JADE3: variants seen among roughly 807,000 people sequenced by gnomAD.
The protein encoded by JADE3 is jade family PHD finger 3.
Under a neutral mutation model 50.1 loss-of-function variants are expected in JADE3, and 2 were observed. That is an observed-to-expected ratio of 0.04 (90% CI 0.02 to 0.13). The LOEUF (loss-of-function observed/expected upper bound fraction) is 0.13. JADE3 is among the 10% of genes least tolerant of loss of function. The pLI, the probability that JADE3 is intolerant of heterozygous loss-of-function variation, is 1.00. For synonymous variants in JADE3, 218 were observed against 232.9 expected (o/e 0.94, Z 0.58); for missense variants, 475 against 634.4 (o/e 0.75, Z 2.70).
intron 10 of JADE3, among the ~76,000 whole-genome samples, chrX:47,057,316 A>T (rs1929650022): frequency 9.0e-6 from 1 of 111,664 alleles, no homozygotes; most frequent in African/African-American, 3.3e-5. Flanking sequence ...TTGTGAGGGT[A>T]CAGTAAGATG....
At chrX:46,925,617 C>G (rs1347505494) in intron 1 of JADE3, among the ~76,000 whole-genome samples, 4 of 110,015 alleles carry the variant, frequency 3.6e-5, no homozygotes, top group Admixed American at 1.9e-4. Flanking sequence ...GTCAGGAGAT[C>G]GAGACCATCC....
intron 4 of JADE3, among the ~76,000 whole-genome samples, chrX:47,009,855 G>A (rs1269962857): frequency 1.8e-5 from 2 of 108,393 alleles, no homozygotes; most frequent in African/African-American, 6.7e-5. Context: ...GAACTCCCAG[G>A]CTCAAGCAAT....
At chrX:47,018,370 G>A in intron 4 of JADE3, among the ~76,000 whole-genome samples, 1 of 108,793 alleles carries the variant, frequency 9.2e-6, no homozygotes, top group Non-Finnish European at 1.9e-5. Flanking sequence ...GTCTCGCTCT[G>A]TCACCCAGGC....
rs1355701817 is a variant in JADE3 at position 46,918,150 on chromosome X, A to G, written c.-12+5431A>G. 2.7e-5 allele frequency among the ~76,000 whole-genome samples: 3 copies of G among 111,554 alleles called. No individual in the cohort carries two copies. The East Asian group carries it at 8.4e-4, about 31-fold the overall frequency. On this transcript the variant is annotated intron_variant, in intron 1 of 10. Coordinates refer to ENST00000614628, the MANE Select transcript of JADE3 (RefSeq NM_014735.5). ...GAAGGAGGTTTAATTAGGCTCATATAGCTGATGCTTTTTAGGCTGCATTAA... is the reference window on the plus strand; with the variant it reads ...GAAGGAGGTTTAATTAGGCTCATATGGCTGATGCTTTTTAGGCTGCATTAA...
intron 1 of JADE3, among the ~76,000 whole-genome samples, chrX:46,939,303 C>T (rs1431444467): frequency 3.6e-5 from 4 of 110,519 alleles, no homozygotes; most frequent in African/African-American, 1.3e-4. Context: ...TTTTTCACTG[C>T]TCAGGCTATT....
chrX:47,041,268 T>A (rs1206864782), intron 8 of JADE3, among the ~76,000 whole-genome samples: 1 of 112,264 alleles, frequency 8.9e-6, no homozygotes, highest in African/African-American at 3.2e-5. Context: ...TCATTTGTGA[T>A]ATGCATTTCC....
In JADE3 at chrX:47,059,857, C is replaced by A. The variant is rs1179452878; in HGVS notation, c.*780C>A. On this transcript the variant is annotated 3_prime_UTR_variant, in exon 11 of 11. Transcript: ENST00000614628. ...TTCCAGAGCCTTTCCCAAAGTGAGA[C>A]CATTTCTGGGGTATTTGTACCAGGT... is the stretch of plus-strand genomic sequence containing the variant. 1.8e-5 allele frequency: 2 copies of A among 112,064 alleles called. No homozygotes were observed. Among genetic ancestry groups the A allele is most frequent in the African/African-American group, 3.3e-5 (1 of 30,753 alleles). 9.2% of individuals were successfully genotyped at this position (112,064 alleles called of 1,213,427 possible).
rs146863913 is a variant in JADE3, at chrX:47,059,253, C to T, written c.*176C>T. 21 of 423,232 alleles carry T rather than the reference C, an allele frequency of 5.0e-5. No individual in the cohort carries two copies. The East Asian group carries it at 7.9e-4, about 16-fold the overall frequency. The allele number at this position is 423,232 out of a possible 1,213,427, so 34.9% of individuals were successfully genotyped here. A position where few individuals can be genotyped will look rare whatever the true frequency, so the allele number is the denominator to read the frequency against. On this transcript the variant is annotated 3_prime_UTR_variant, in exon 11 of 11. Transcript: ENST00000614628. ...ATGTTTCAAGTCTAGTTTTTACAAG[C>T]ACATTACAGTAATTGCAGGTTGTCC...
Position 46,941,261 on chromosome X carries a change from G to A in JADE3, c.-12+28542G>A, listed in dbSNP as rs186497824. Among the ~76,000 whole-genome samples, 68 of 111,512 alleles carry A rather than the reference G, an allele frequency of 6.1e-4. 1 individual carries two copies. The East Asian group carries it at 0.018, about 30-fold the overall frequency. On this transcript the variant is annotated intron_variant, in intron 1 of 10. Transcript: ENST00000614628. ...AGAACATGATTTCATTCTTTTTTATGGCTACATAGTATTCTATGGTATATA... is the reference window on the plus strand; with the variant it reads ...AGAACATGATTTCATTCTTTTTTATAGCTACATAGTATTCTATGGTATATA...
intron 1 of JADE3, among the ~76,000 whole-genome samples, chrX:46,916,668 A>G (rs904441951): frequency 1.8e-5 from 2 of 112,316 alleles, no homozygotes; most frequent in Non-Finnish European, 3.8e-5. Context: ...TTGCAACAAT[A>G]ATATATTCTC....
rs148832173 is a variant in JADE3 at position 47,033,640 on chromosome X, A to G, written c.707A>G (p.Lys236Arg). 17 of 1,204,464 alleles carry G rather than the reference A, an allele frequency of 1.4e-5. No homozygotes were observed. Among genetic ancestry groups the G allele is most frequent in the South Asian group, 3.6e-5 (2 of 55,564 alleles). ...CTCCAGGCCTGCTATGGCATCCTCA[A>G]GGTCCCAGAAGGCAGCTGGCTGTGT... The part of the protein sequence containing the change: ...CVHQACYGIL[K>R]VPEGSWLCRS... Residue 236 changes from lysine (K) to arginine (R), a missense_variant, in exon 7 of 11, where the codon AAG (lysine) becomes AGG (arginine). By Grantham distance (26) the Lys-to-Arg change is conservative (BLOSUM62 2). This residue lies in a region of JADE3 where 54 missense variants were observed against 156.2 expected (regional missense o/e 0.35). Transcript: ENST00000614628.
At chrX:47,035,766 T>TG (rs1421269739) in intron 7 of JADE3, among the ~76,000 whole-genome samples, 1 of 110,115 alleles carries the variant, frequency 9.1e-6, no homozygotes, top group Non-Finnish European at 1.9e-5. Context: ...TTTGGCGGGG[T>TG]GGGGGGAATG....
chrX:46,981,960 T>G (rs1464919114), intron 1 of JADE3, among the ~76,000 whole-genome samples: 1 of 111,764 alleles, frequency 8.9e-6, no homozygotes, highest in East Asian at 2.8e-4. Flanking sequence ...AATCTCTTTC[T>G]GGATCTCTTT....
chrX:46,932,612 A>C (rs1556340117), intron 1 of JADE3, among the ~76,000 whole-genome samples: 1 of 111,915 alleles, frequency 8.9e-6, no homozygotes, highest in Non-Finnish European at 1.9e-5. Flanking sequence ...ATTCTACAAC[A>C]TTGCCTGTGG....
At chrX:46,968,109 G>T (rs1192844058) in intron 1 of JADE3, among the ~76,000 whole-genome samples, 2 of 111,903 alleles carry the variant, frequency 1.8e-5, no homozygotes, top group Non-Finnish European at 3.8e-5. Context: ...CCTCACTCTG[G>T]AAGAGTACAG....
At chrX:46,957,662 C>G (rs1927165282) in intron 1 of JADE3, among the ~76,000 whole-genome samples, 1 of 112,336 alleles carries the variant, frequency 8.9e-6, no homozygotes, top group Admixed American at 9.4e-5. Flanking sequence ...TACCAACTCA[C>G]TTTAAATATG....
Position 47,043,315 on chromosome X carries a change from G to C in JADE3, c.972+4250G>C, listed in dbSNP as rs1032493094. Among the ~76,000 whole-genome samples, 4 of 112,079 alleles carry C rather than the reference G, an allele frequency of 3.6e-5. No homozygotes were observed. The Admixed American group carries it at 3.8e-4, about 11-fold the overall frequency. On this transcript the variant is annotated intron_variant, in intron 8 of 10. Coordinates refer to ENST00000614628, the MANE Select transcript of JADE3 (RefSeq NM_014735.5). ...GACTCTTCAATGCCCAGACACTGAT[G>C]AACATCCACAAGCATCAAGACCATC...
chrX:46,923,393 C>CTCTCTTTTTTTTTT (rs1556338199), intron 1 of JADE3, among the ~76,000 whole-genome samples: 275 of 11,516 alleles, frequency 0.024, 72 homozygotes, highest in Non-Finnish European at 0.045. Context: ...CTCTCTCTCT[C>CTCTCTTTTTTTTTT]TTTTTTTTTT....
intron 1 of JADE3, among the ~76,000 whole-genome samples, chrX:46,954,209 G>T (rs1301726547): frequency 4.5e-5 from 5 of 111,323 alleles, no homozygotes; most frequent in Admixed American, 3.8e-4. Context: ...TTTCTGGTGG[G>T]TAACAGAGAC....
Sources: gnomAD v4.1 joint callset for allele counts (sites outside exome capture counted in the v4.1 genomes callset) on GRCh38, gnomAD v4.1.1 for gene constraint, gnomAD v4.1.1 regional missense constraint, MANE v1.5 for transcripts, NCBI Gene and HGNC (gene_info 2026-07-23, HGNC 2026-07-21) for gene names.